The following KIR2DL1 variants were observed in gnomAD, a reference collection of about 807,000 sequenced individuals.
KIR2DL1 encodes killer cell immunoglobulin-like receptor 2DL1.
Under a neutral mutation model 33.9 loss-of-function variants are expected in KIR2DL1, and 38 were observed. That is an observed-to-expected ratio of 1.12 (90% CI 0.86 to 1.47). The LOEUF is 1.47. KIR2DL1 is among the 40% of genes most tolerant of loss of function. KIR2DL1 has a pLI of 0.00. For synonymous variants in KIR2DL1, 179 were observed against 165.9 expected, an observed-to-expected ratio of 1.08 and a Z score of -0.61; for missense variants, 531 against 433.9, an observed-to-expected ratio of 1.22 and a Z score of -1.99.
At chr19:54,776,039 G>A (rs376332489) in intron 4 of KIR2DL1, among the ~76,000 whole-genome samples, 1,643 of 145,418 alleles carry the variant, frequency 0.011, 161 homozygotes, top group Middle Eastern at 0.032. Flanking sequence ...CTACAGGCAC[G>A]CACCACCACG....
intron 6 of KIR2DL1, among the ~76,000 whole-genome samples, 156 bp downstream of exon 6, chr19:54,783,179 T>C (rs584872): frequency 0.26 from 37,223 of 144,298 alleles, 2,078 homozygotes; most frequent in South Asian, 0.31. Flanking sequence ...AGACTCCCTG[T>C]CCCTGCCTTC....
In KIR2DL1 at chr19:54,773,415, A is replaced by G; in HGVS notation, c.153A>G (p.Ser51=). Residue 51 remains serine (S), a synonymous_variant, in exon 3 of 8, where the codon TCA becomes TCG. Transcript: ENST00000336077. ...AGACAGTCATCCTGCAGTGTTGGTC[A>G]GATGTCATGTTTGAACACTTCCTTC... ...SEETVILQCW[S]DVMFEHFLLH... 6.3e-7 allele frequency: 1 copy of G among 1,593,384 alleles called. No homozygotes were observed. The highest frequency in any genetic ancestry group is 8.6e-7 in the Non-Finnish European group (1 of 1,164,794).
chr19:54,769,855 C>T lies in KIR2DL1; in HGVS notation c.5C>T (p.Ser2Leu), dbSNP rs749166231. The change falls in exon 1 of 8, where the codon TCG becomes TTG. Residue 2 changes from serine to leucine, a missense_variant. Coordinates refer to ENST00000336077, the MANE Select transcript of KIR2DL1 (RefSeq NM_014218.3). ...CCTGTCTGCTCCGGCAGCACCATGTCGCTCTTGGTCGTCAGCATGGCGTGT... is the reference window on the plus strand; with the variant it reads ...CCTGTCTGCTCCGGCAGCACCATGTTGCTCTTGGTCGTCAGCATGGCGTGT... MSLLVVSMACVG... is the reference protein window; with the variant it reads MLLLVVSMACVG... 1.5e-5 allele frequency: 23 copies of T among 1,569,700 alleles called. 2 individuals carry two copies. The highest frequency in any genetic ancestry group is 1.9e-5 in the Non-Finnish European group (22 of 1,147,220).
At chr19:54,777,576 A>G (rs1418061234) in intron 4 of KIR2DL1, among the ~76,000 whole-genome samples, 1 of 149,164 alleles carries the variant, frequency 6.7e-6, no homozygotes, top group African/African-American at 2.5e-5. Flanking sequence ...TATTAATCCC[A>G]TCTCAGATGC....
rs760965171 is a variant in KIR2DL1 at position 54,773,494 on chromosome 19, G to C, written c.232G>C (p.Asp78His). 58 of 1,585,468 alleles carry C rather than the reference G, an allele frequency of 3.7e-5. 7 individuals carry two copies. Among genetic ancestry groups the C allele is most frequent in the South Asian group, 2.4e-4 (22 of 90,370 alleles). ...DTLRLIGEHHDGVSKANFSIS... is the reference protein window; with the variant it reads ...DTLRLIGEHHHGVSKANFSIS... ...TTTGCGCCTCATTGGAGAACACCAT[G>C]ATGGGGTCTCCAAGGCCAACTTCTC... Residue 78 changes from aspartate to histidine, a missense_variant, in exon 3 of 8, where the codon GAT (aspartate) becomes CAT (histidine). By Grantham distance (81) the Asp-to-His change is moderately conservative. Coordinates refer to ENST00000336077, the MANE Select transcript of KIR2DL1 (RefSeq NM_014218.3).
At chr19:54,783,586 G>T (rs374962352) in intron 7 of KIR2DL1, 48 bp downstream of exon 7, 146 of 1,613,802 alleles carry the variant, frequency 9.0e-5, no homozygotes, top group Non-Finnish European at 9.6e-5. Flanking sequence ...TTCCCAAAGA[G>T]TCCTGGAAAA....
rs144018593 is a variant in KIR2DL1 at position 54,769,880 on chromosome 19, T to C, written c.30T>C (p.Cys10=). The change falls in exon 1 of 8, where the codon TGT becomes TGC. Residue 10 remains cysteine, a synonymous_variant. Coordinates refer to ENST00000336077, the MANE Select transcript of KIR2DL1 (RefSeq NM_014218.3). Reference sequence around the variant, plus strand: ...CGCTCTTGGTCGTCAGCATGGCGTGTGTTGGTGAGTCCTGGAAAGCAATAG... The same window carrying C: ...CGCTCTTGGTCGTCAGCATGGCGTGCGTTGGTGAGTCCTGGAAAGCAATAG... MSLLVVSMA[C]VGFFLLQGAW... is the part of the protein sequence containing the mutation. The C allele has an allele frequency of 1.8e-4, 289 of 1,567,802 alleles. 33 individuals carry two copies. The highest frequency in any genetic ancestry group is 2.2e-4 in the Non-Finnish European group (249 of 1,145,930).
chr19:54,775,402 A>T lies in KIR2DL1; in HGVS notation c.608A>T (p.His203Leu), dbSNP rs666590. 60 of 1,562,604 alleles carry T rather than the reference A, an allele frequency of 3.8e-5. No individual in the cohort carries two copies. In the South Asian group the frequency reaches 6.6e-4, roughly 17 times the overall value. Residue 203 changes from histidine to leucine, a missense_variant, in exon 4 of 8, where the codon CAT (histidine) becomes CTT (leucine). His to Leu is a moderately conservative substitution (Grantham distance 99). Transcript: ENST00000336077. ...GGTYRCFGSF[H>L]DSPYEWSKSS... ...ACCTACAGATGCTTCGGCTCTTTCC[A>T]TGACTCTCCATACGAGTGGTCAAAG...
At chr19:54,782,717 C>A (rs1325906340) in intron 5 of KIR2DL1, among the ~76,000 whole-genome samples, 1 of 151,806 alleles carries the variant, frequency 6.6e-6, no homozygotes, top group Non-Finnish European at 1.5e-5. Flanking sequence ...AACATCTCAA[C>A]TAAAGTAGTC....
chr19:54,772,907 G>A lies in KIR2DL1; in HGVS notation c.71-426G>A, dbSNP rs1254223907. ...GGCTCCCAGTCCCTACCAGGAACAG[G>A]GTGTGTGGCCACTGGTGCCTGCCTT... On this transcript the variant is annotated intron_variant, in intron 2 of 7. Coordinates refer to ENST00000336077, the MANE Select transcript of KIR2DL1 (RefSeq NM_014218.3). Among the ~76,000 whole-genome samples, 5 of 146,164 alleles carry A rather than the reference G, an allele frequency of 3.4e-5. 1 individual carries two copies.
At chr19:54,782,325 T>C (rs1459183218) in intron 5 of KIR2DL1, among the ~76,000 whole-genome samples, 6 of 151,998 alleles carry the variant, frequency 3.9e-5, no homozygotes, top group African/African-American at 1.2e-4. Context: ...CACTTGAGCC[T>C]CGGTAACTTC....
chr19:54,783,283 G>A (rs1391252478), intron 6 of KIR2DL1, among the ~76,000 whole-genome samples: 2 of 151,828 alleles, frequency 1.3e-5, no homozygotes, highest in African/African-American at 4.8e-5. Flanking sequence ...GCAGAAAGTG[G>A]GAGACAGAAT....
chr19:54,771,377 C>T (rs2075707554), intron 2 of KIR2DL1, among the ~76,000 whole-genome samples: 1 of 148,320 alleles, frequency 6.7e-6, no homozygotes. Context: ...AGTAATCTTA[C>T]AGTATTAAAA....
chr19:54,778,907 C>T (rs1462872053), intron 5 of KIR2DL1, among the ~76,000 whole-genome samples: 10 of 148,608 alleles, frequency 6.7e-5, no homozygotes, highest in Admixed American at 1.4e-4. Flanking sequence ...GCCAATCTGA[C>T]ATCCTTCTCA....
chr19:54,778,910 C>T (rs2076657493), intron 5 of KIR2DL1, among the ~76,000 whole-genome samples: 1 of 148,438 alleles, frequency 6.7e-6, no homozygotes, highest in Non-Finnish European at 1.5e-5. Flanking sequence ...AATCTGACAT[C>T]CTTCTCAGGA....
At chr19:54,776,527 A>G (rs891622978) in intron 4 of KIR2DL1, among the ~76,000 whole-genome samples, 1 of 147,348 alleles carries the variant, frequency 6.8e-6, no homozygotes, top group Non-Finnish European at 1.5e-5. Flanking sequence ...GCTACTGTGA[A>G]CAGTGCTGCA....
Position 54,774,650 on chromosome 19 carries a change from A to T in KIR2DL1, c.371-515A>T, listed in dbSNP as rs1218163482. ...ACAGATAGATAGATAATACATAGAG[A>T]TACAGAGGCAGACATAGAGAAATCA... On this transcript the variant is annotated intron_variant, in intron 3 of 7. Transcript: ENST00000336077. Among the ~76,000 whole-genome samples the T allele has an allele frequency of 2.0e-5, 3 of 148,336 alleles. 1 individual carries two copies. Among genetic ancestry groups the T allele is most frequent in the Admixed American group, 1.4e-4 (2 of 14,634 alleles).
intron 5 of KIR2DL1, among the ~76,000 whole-genome samples, chr19:54,782,119 C>A (rs2077033558): frequency 6.6e-6 from 1 of 151,972 alleles, no homozygotes; most frequent in South Asian, 2.1e-4. Flanking sequence ...GGAGTCACCC[C>A]ATTTGCAGTG....
intron 4 of KIR2DL1, among the ~76,000 whole-genome samples, chr19:54,776,744 G>T (rs748657531): frequency 6.2e-5 from 9 of 145,100 alleles, no homozygotes; most frequent in Non-Finnish European, 1.1e-4. Context: ...GGGTTCAAAT[G>T]ATTTTCCTGC....
Sources: allele counts gnomAD v4.1 joint callset (sites outside exome capture counted in the v4.1 genomes callset), GRCh38; gene constraint gnomAD v4.1.1; transcripts MANE v1.5; gene names NCBI Gene and HGNC (gene_info 2026-07-23, HGNC 2026-07-21).